Variants in WDR59 observed in about 807,000 individuals in gnomAD.
The protein encoded by WDR59 is GATOR2 complex protein WDR59.
A neutral mutation model predicts 131.2 loss-of-function variants in WDR59; 100 were observed. The observed-to-expected ratio is 0.76, with a 90% CI of 0.65 to 0.90. The LOEUF is 0.90. Ranked by LOEUF, WDR59 falls within the 40% of genes least tolerant of loss-of-function variation. The pLI is 0.00. For missense variants in WDR59, 1,203 were observed against 1,262.2 expected (o/e 0.95, Z 0.71); for synonymous variants, 601 against 466.2 (o/e 1.29, Z -3.72).
intron 8 of WDR59, among the ~76,000 whole-genome samples, chr16:74,936,073 T>C (rs1252128309): frequency 6.6e-6 from 1 of 152,036 alleles, no homozygotes; most frequent in South Asian, 2.1e-4. Flanking sequence ...TCTCATTTCA[T>C]TAATAAGCTA....
chr16:74,874,585 G>GT (rs748388804), intron 25 of WDR59, 141 bp from the exon 26 acceptor site: 50 of 705,670 alleles, frequency 7.1e-5, no homozygotes, highest in African/African-American at 1.1e-4. Context: ...TTCATTTTCT[G>GT]TTTTTTTTAT....
intron 25 of WDR59, among the ~76,000 whole-genome samples, chr16:74,876,950 G>A (rs939377054): frequency 1.3e-5 from 2 of 151,972 alleles, no homozygotes; most frequent in Non-Finnish European, 2.9e-5. Flanking sequence ...CGTGCCGGTC[G>A]CTAATGGTTC....
chr16:74,890,598 C>G (rs1422537596), intron 20 of WDR59, among the ~76,000 whole-genome samples: 3 of 152,110 alleles, frequency 2.0e-5, no homozygotes, highest in African/African-American at 7.2e-5. Context: ...TTTCAGTATC[C>G]TCTCTGAAGC....
chr16:74,918,636 G>T (rs182155848), intron 10 of WDR59, among the ~76,000 whole-genome samples: 47 of 152,256 alleles, frequency 3.1e-4, no homozygotes, highest in African/African-American at 1.1e-3. Flanking sequence ...ATCCTGAAAA[G>T]GTTCAGGGTG....
In WDR59 at chr16:74,951,566, C is replaced by T. The variant is rs766787294; in HGVS notation, c.241-23G>A. ...ACTCTGAAAAGAAAGGAAAGAAGGCCACAGGCAAGTATGTTGGGATATATG... is the reference window on the plus strand; with the variant it reads ...ACTCTGAAAAGAAAGGAAAGAAGGCTACAGGCAAGTATGTTGGGATATATG... On this transcript the variant is annotated intron_variant, in intron 3 of 25. Transcript: ENST00000262144. 3.2e-6 allele frequency: 5 copies of T among 1,565,482 alleles called. No individual in the cohort carries two copies. The South Asian group carries it at 5.9e-5, about 18-fold the overall frequency.
chr16:74,977,571 C>G (rs2034237875), intron 1 of WDR59, among the ~76,000 whole-genome samples: 1 of 152,036 alleles, frequency 6.6e-6, no homozygotes, highest in African/African-American at 2.4e-5. Flanking sequence ...GCATGTAGTC[C>G]CAGCCACTCG....
In WDR59 at chr16:74,938,237, G is replaced by A. The variant is rs759830385; in HGVS notation, c.564C>T (p.Ala188=). ...RKPSTAVEYL[A]AHLSKIHGLD... is the part of the protein sequence containing the mutation. ...GGCCATGGATTTTGGAGAGGTGGGC[G>A]GCTAGATATTCCACTGCTGTACTGG... Residue 188 remains alanine, a synonymous_variant, in exon 8 of 26, where the codon GCC becomes GCT. Coordinates refer to ENST00000262144, the MANE Select transcript of WDR59 (RefSeq NM_030581.4). 41 of 1,564,554 alleles carry A rather than the reference G, an allele frequency of 2.6e-5. No individual in the cohort carries two copies. Among genetic ancestry groups the A allele is most frequent in the African/African-American group, 6.9e-5 (5 of 72,322 alleles).
At chr16:74,912,034 G>A (rs1405479071) in intron 14 of WDR59, 164 bp downstream of exon 14, 3 of 910,990 alleles carry the variant, frequency 3.3e-6, no homozygotes, top group Non-Finnish European at 4.9e-6. Context: ...GATGTTTTCT[G>A]CACAAAGTAA....
At chr16:74,910,741 T>C (rs1240616688) in intron 14 of WDR59, among the ~76,000 whole-genome samples, 1 of 152,216 alleles carries the variant, frequency 6.6e-6, no homozygotes, top group Non-Finnish European at 1.5e-5. Flanking sequence ...GGGAGTTATT[T>C]ATATCCTACT....
intron 6 of WDR59, among the ~76,000 whole-genome samples, chr16:74,945,785 G>A (rs1385628974): frequency 6.7e-6 from 1 of 150,220 alleles, no homozygotes; most frequent in Non-Finnish European, 1.5e-5. Flanking sequence ...GACGTTCTGA[G>A]AGAGAGAGAG....
chr16:74,887,807 C>A, intron 22 of WDR59, 52 bp from the exon 23 acceptor site: 1 of 1,543,608 alleles, frequency 6.5e-7, no homozygotes, highest in South Asian at 1.1e-5. Context: ...ATACCATTCC[C>A]CATGACAGTT....
intron 25 of WDR59, among the ~76,000 whole-genome samples, chr16:74,884,520 G>A (rs753452801): frequency 2.6e-5 from 4 of 152,152 alleles, no homozygotes; most frequent in Non-Finnish European, 4.4e-5. Context: ...GGCTAATTTC[G>A]TATTTTTAGT....
rs1965856507 is a variant in WDR59, at chr16:74,907,124, G to A, written c.1712+1784C>T. On this transcript the variant is annotated intron_variant, in intron 17 of 25. Coordinates refer to ENST00000262144, the MANE Select transcript of WDR59 (RefSeq NM_030581.4). ...CCTAGTACTGAACCCCAGTTCCCAT[G>A]GGGCCCAGGTCACATCTGCCCAGGT... Among the ~76,000 whole-genome samples the A allele has an allele frequency of 2.8e-5, 4 of 140,574 alleles. No individual in the cohort carries two copies. In the Admixed American group the frequency reaches 2.9e-4, roughly 10 times the overall value. 92.2% of individuals were successfully genotyped at this position (140,574 alleles called of 152,430 possible).
At chr16:74,899,047 T>C (rs913478882) in intron 18 of WDR59, among the ~76,000 whole-genome samples, 1 of 152,090 alleles carries the variant, frequency 6.6e-6, no homozygotes, top group African/African-American at 2.4e-5. Context: ...GAGGTCACCT[T>C]GGCACTACTG....
At position 74,874,384 on chromosome 16, in the gene WDR59, C is replaced by A. The variant is rs1043987405; in HGVS notation, c.2750G>T (p.Cys917Phe). Residue 917 changes from cysteine (C) to phenylalanine (F), a missense_variant, in exon 26 of 26, where the codon TGC (cysteine) becomes TTC (phenylalanine). By Grantham distance (205) the Cys-to-Phe change is radical (BLOSUM62 -2). Transcript: ENST00000262144. Reference sequence around the variant, plus strand: ...GGCACACTGGAACGTGAAGCCTTTGCAGATGGCACACTGCGTGCCACGGAC... The same window carrying A: ...GGCACACTGGAACGTGAAGCCTTTGAAGATGGCACACTGCGTGCCACGGAC... ...SEVRGTQCAI[C>F]KGFTFQCAIC... The A allele has an allele frequency of 5.0e-6, 8 of 1,614,122 alleles. No individual in the cohort carries two copies. The highest frequency in any genetic ancestry group is 6.8e-6 in the Non-Finnish European group (8 of 1,180,040).
chr16:74,889,470 T>G (rs1285766365), intron 21 of WDR59, among the ~76,000 whole-genome samples: 1 of 152,202 alleles, frequency 6.6e-6, no homozygotes, highest in Non-Finnish European at 1.5e-5. Context: ...AAAGGATACA[T>G]GAGTCTCAGG....
chr16:74,978,474 GAGAA>G (rs1407388255), intron 1 of WDR59, among the ~76,000 whole-genome samples: 3 of 152,178 alleles, frequency 2.0e-5, no homozygotes, highest in East Asian at 1.9e-4. Flanking sequence ...CTGGGCAACT[GAGAA>G]AGATTCTGTC....
chr16:74,981,647 T>TATAC (rs2034424630), intron 1 of WDR59, among the ~76,000 whole-genome samples: 7 of 7,504 alleles, frequency 9.3e-4, no homozygotes, highest in African/African-American at 2.6e-3. Flanking sequence ...TATATATATA[T>TATAC]ATATATATAT....
chr16:74,949,715 T>C lies in WDR59; in HGVS notation c.407+3A>G. The C allele has an allele frequency of 6.2e-7, 1 of 1,613,600 alleles. No homozygotes were observed. The highest frequency in any genetic ancestry group is 8.5e-7 in the Non-Finnish European group (1 of 1,179,712). The stretch of plus-strand genomic sequence containing the variant: ...AGTGGTTATGCCTCCTAATTGTTCT[T>C]ACTTGATATCCCAAATGTAGATGTA... On this transcript the variant is annotated splice_donor_region_variant and intron_variant, in intron 5 of 25. Transcript: ENST00000262144.
Sources: allele counts gnomAD v4.1 joint callset (sites outside exome capture counted in the v4.1 genomes callset), GRCh38; gene constraint gnomAD v4.1.1; transcripts MANE v1.5; gene names NCBI Gene and HGNC (gene_info 2026-07-23, HGNC 2026-07-21).